COL19A1: variants seen among roughly 807,000 people sequenced by gnomAD.
COL19A1 encodes collagen type XIX alpha 1 chain, also known as collagen alpha-1(XIX) chain.
In COL19A1, 159 loss-of-function variants were observed where a neutral mutation model predicts 190.2. The ratio of observed to expected loss-of-function variants is 0.84; its 90% confidence interval spans 0.73 to 0.95. COL19A1 has a LOEUF of 0.95. Among genes scored for constraint, COL19A1 ranks in the 40% least tolerant of loss-of-function variants. The pLI, the probability that COL19A1 is intolerant of heterozygous loss-of-function variation, is 0.00. For synonymous variants in COL19A1, 509 were observed against 458.9 expected (o/e 1.11, Z -1.39); for missense variants, 1,418 against 1,431.9 (o/e 0.99, Z 0.16).
intron 37 of COL19A1, among the ~76,000 whole-genome samples, chr6:70,167,019 GGGAAACCTCCTTT>G (rs1746133254): frequency 6.6e-6 from 1 of 152,154 alleles, no homozygotes; most frequent in Non-Finnish European, 1.5e-5. Context: ...TTTCTTCCCT[GGGAAACCTCCTTT>G]GGAAATCTCA....
intron 11 of COL19A1, among the ~76,000 whole-genome samples, chr6:69,978,014 G>C (rs1272547814): frequency 6.6e-6 from 1 of 152,084 alleles, no homozygotes; most frequent in African/African-American, 2.4e-5. Context: ...CTGTGATCTT[G>C]CTCCTCAAAT....
intron 4 of COL19A1, among the ~76,000 whole-genome samples, chr6:69,910,751 C>A (rs1372224320): frequency 6.6e-6 from 1 of 152,032 alleles, no homozygotes; most frequent in Non-Finnish European, 1.5e-5. Flanking sequence ...CAGAGCTTTT[C>A]GCCTGGTAGG....
chr6:70,123,709 C>CA (rs1387228448), intron 17 of COL19A1, among the ~76,000 whole-genome samples: 1 of 147,492 alleles, frequency 6.8e-6, no homozygotes, highest in African/African-American at 2.5e-5. Flanking sequence ...ATCGCAAGAA[C>CA]AAAAAACCAA....
At chr6:70,161,528 G>T (rs772956683) in intron 34 of COL19A1, among the ~76,000 whole-genome samples, 12 of 152,062 alleles carry the variant, frequency 7.9e-5, no homozygotes, top group African/African-American at 2.9e-4. Context: ...CTATGAGTAC[G>T]CAAAAGCATA....
intron 4 of COL19A1, among the ~76,000 whole-genome samples, chr6:69,904,213 T>C (rs1770376184): frequency 1.3e-5 from 2 of 152,200 alleles, no homozygotes; most frequent in African/African-American, 4.8e-5. Flanking sequence ...GTCTGCTCTA[T>C]ACCCATCTTC....
chr6:69,964,513 A>T (rs886634221), intron 11 of COL19A1, among the ~76,000 whole-genome samples: 2 of 152,136 alleles, frequency 1.3e-5, no homozygotes, highest in African/African-American at 2.4e-5. Context: ...CAATACACTA[A>T]AGTCTTAGTA....
intron 9 of COL19A1, among the ~76,000 whole-genome samples, chr6:69,941,197 T>G (rs1411062261): frequency 6.6e-6 from 1 of 152,134 alleles, no homozygotes; most frequent in African/African-American, 2.4e-5. Context: ...GAGTACCACT[T>G]TGGAGCCTGA....
At chr6:70,074,812 A>G (rs1781788367) in intron 15 of COL19A1, among the ~76,000 whole-genome samples, 1 of 152,188 alleles carries the variant, frequency 6.6e-6, no homozygotes, top group African/African-American at 2.4e-5. Flanking sequence ...ATGACCTTTA[A>G]AATGCACGAT....
Position 70,142,080 on chromosome 6 carries a change from T to C in COL19A1, c.1572+4T>C. 1 of 1,610,528 alleles carries C rather than the reference T, an allele frequency of 6.2e-7. No homozygotes were observed. Among genetic ancestry groups the C allele is most frequent in the African/African-American group, 1.3e-5 (1 of 74,870 alleles). ...AATAGGAAGCCCAGGACTAAAGGTATATAAGAAATAACTAAGATTTCTTGG... is the reference window on the plus strand; with the variant it reads ...AATAGGAAGCCCAGGACTAAAGGTACATAAGAAATAACTAAGATTTCTTGG... On this transcript the variant is annotated splice_donor_region_variant and intron_variant, in intron 22 of 50. Coordinates refer to ENST00000620364, the MANE Select transcript of COL19A1 (RefSeq NM_001858.6).
intron 2 of COL19A1, among the ~76,000 whole-genome samples, chr6:69,882,233 T>C (rs1180872692): frequency 6.6e-6 from 1 of 152,150 alleles, no homozygotes; most frequent in Admixed American, 6.5e-5. Context: ...TATGGAGAGA[T>C]TCAATAATAA....
At chr6:70,030,517 G>A (rs1778999055) in intron 12 of COL19A1, among the ~76,000 whole-genome samples, 1 of 152,088 alleles carries the variant, frequency 6.6e-6, no homozygotes, top group Middle Eastern at 3.4e-3. Flanking sequence ...TTCCTTCCAT[G>A]CTTAAAAATT....
In COL19A1 at chr6:70,049,598, G is replaced by A. The variant is rs540265871; in HGVS notation, c.1170+13659G>A. Among the ~76,000 whole-genome samples the A allele has an allele frequency of 2.6e-5, 4 of 151,972 alleles. No individual in the cohort carries two copies. In the East Asian group the frequency reaches 7.7e-4, roughly 29 times the overall value. The stretch of plus-strand genomic sequence containing the variant: ...TTATAGTTTGCTTCTGTTTCAAAAG[G>A]CATTTTAAATTGTTTTCATCAAAAG... On this transcript the variant is annotated intron_variant, in intron 14 of 50. Coordinates refer to ENST00000620364, the MANE Select transcript of COL19A1 (RefSeq NM_001858.6).
At chr6:70,187,737 G>A (rs988174053) in intron 46 of COL19A1, among the ~76,000 whole-genome samples, 5 of 151,968 alleles carry the variant, frequency 3.3e-5, no homozygotes, top group Admixed American at 1.3e-4. Flanking sequence ...GACCTCAAGT[G>A]ACAGCTGGTA....
At chr6:70,046,765 A>G (rs1371509834) in intron 14 of COL19A1, among the ~76,000 whole-genome samples, 1 of 152,148 alleles carries the variant, frequency 6.6e-6, no homozygotes, top group Admixed American at 6.5e-5. Context: ...TGTTAAACTC[A>G]TAGATGGTAA....
At chr6:70,203,296 C>T (rs1311417178) in intron 49 of COL19A1, among the ~76,000 whole-genome samples, 1 of 152,196 alleles carries the variant, frequency 6.6e-6, no homozygotes, top group Non-Finnish European at 1.5e-5. Context: ...ACATCCATCG[C>T]ATGCACCCTG....
intron 14 of COL19A1, among the ~76,000 whole-genome samples, chr6:70,044,542 T>C (rs1215978609): frequency 6.6e-6 from 1 of 152,184 alleles, no homozygotes; most frequent in Admixed American, 6.5e-5. Flanking sequence ...CTTCCTTTCA[T>C]TCGAACACTT....
chr6:70,139,742 A>G (rs1279444199), intron 19 of COL19A1, among the ~76,000 whole-genome samples: 1 of 152,054 alleles, frequency 6.6e-6, no homozygotes, highest in African/African-American at 2.4e-5. Flanking sequence ...GACATTCAGA[A>G]TATGGTTTGA....
chr6:70,134,199 AT>A (rs1490672713), intron 18 of COL19A1, among the ~76,000 whole-genome samples: 1 of 152,182 alleles, frequency 6.6e-6, no homozygotes, highest in Non-Finnish European at 1.5e-5. Context: ...TACAAGTCTA[AT>A]TGTTTATTTT....
chr6:69,984,215 T>C (rs990336043), intron 11 of COL19A1, among the ~76,000 whole-genome samples: 9 of 152,154 alleles, frequency 5.9e-5, no homozygotes, highest in African/African-American at 2.2e-4. Flanking sequence ...TAGTGAAGTT[T>C]CTATTTCTGC....
Sources: gnomAD v4.1 joint callset for allele counts (sites outside exome capture counted in the v4.1 genomes callset) on GRCh38, gnomAD v4.1.1 for gene constraint, MANE v1.5 for transcripts, NCBI Gene and HGNC (gene_info 2026-07-23, HGNC 2026-07-21) for gene names.